The following EIF4E variants were observed in gnomAD, a reference collection of about 807,000 sequenced individuals.
The protein encoded by EIF4E is eukaryotic translation initiation factor 4E, also known as eIF-4F 25 kDa subunit.
For synonymous variants in EIF4E, 71 were observed against 88.5 expected (o/e 0.80, Z 1.11); for missense variants, 113 against 265.6 (o/e 0.43, Z 3.99).
At chr4:98,917,129 C>A (rs1209004440) in intron 1 of EIF4E, among the ~76,000 whole-genome samples, 4 of 60,916 alleles carry the variant, frequency 6.6e-5, no homozygotes, top group Non-Finnish European at 1.3e-4. Flanking sequence ...CACACACACA[C>A]ACACAAAAAA....
intron 2 of EIF4E, 88 bp downstream of exon 2, chr4:98,901,788 C>A: frequency 8.2e-7 from 1 of 1,221,906 alleles, no homozygotes; most frequent in South Asian, 1.2e-5. Context: ...TAAAACTAGT[C>A]TCATAATCTA....
intron 2 of EIF4E, among the ~76,000 whole-genome samples, chr4:98,897,360 CA>C (rs1438328142): frequency 1.3e-5 from 2 of 151,954 alleles, no homozygotes; most frequent in Non-Finnish European, 2.9e-5. Flanking sequence ...CACCTGAGGT[CA>C]GGAGTTCAAG....
In EIF4E at chr4:98,887,129, A is replaced by G. The variant is rs376275333; in HGVS notation, c.349T>C (p.Leu117=). The G allele has an allele frequency of 1.1e-4, 172 of 1,613,886 alleles. No homozygotes were observed. Among genetic ancestry groups the G allele is most frequent in the Admixed American group, 1.8e-4 (11 of 60,002 alleles). Residue 117 remains leucine, a synonymous_variant, in exon 5 of 7, where the codon TTG becomes CTG. Coordinates refer to ENST00000450253, the MANE Select transcript of EIF4E (RefSeq NM_001968.5). The surrounding 1 kb of genome is among the most constrained non-coding windows in gnomAD (Gnocchi z 4.0). The part of the protein sequence containing the change: ...NKRGGRWLIT[L]NKQQRRSDLD... ...TCACTTCGTCTCTGCTGTTTGTTCAATGTAATTAGCCATCGTCCTCCCCGT... is the reference window on the plus strand; with the variant it reads ...TCACTTCGTCTCTGCTGTTTGTTCAGTGTAATTAGCCATCGTCCTCCCCGT...
intron 1 of EIF4E, among the ~76,000 whole-genome samples, chr4:98,928,195 T>A (rs1180654836): frequency 1.3e-5 from 2 of 152,088 alleles, no homozygotes; most frequent in African/African-American, 2.4e-5. Context: ...AAAGGATGAA[T>A]GAATGGAAGA....
rs903983709 is a variant in EIF4E, at chr4:98,887,544, T to A, written c.285+345A>T. ...TCAGTTAATGAATGTCCCGTCCCTC[T>A]ACCAACTGACAAAGCCCAATAATAA... is the stretch of plus-strand genomic sequence containing the variant. On this transcript the variant is annotated intron_variant, in intron 4 of 6. Coordinates refer to ENST00000450253, the MANE Select transcript of EIF4E (RefSeq NM_001968.5). This position sits in a 1 kb window ranked among gnomAD's most constrained non-coding sequence, Gnocchi z 4.0. 1.3e-5 allele frequency among the ~76,000 whole-genome samples: 2 copies of A among 152,140 alleles called. No individual in the cohort carries two copies. The highest frequency in any genetic ancestry group is 4.8e-5 in the African/African-American group (2 of 41,418).
Position 98,879,381 on chromosome 4 carries a change from TA to T in EIF4E, c.*1646del, listed in dbSNP as rs1723580105. On this transcript the variant is annotated 3_prime_UTR_variant, in exon 7 of 7. Coordinates refer to ENST00000450253, the MANE Select transcript of EIF4E (RefSeq NM_001968.5). ...TCAAAGACAAATTTTCCTCTCAAAA[TA>T]ATAATTTCCATTCTGCTACCTACAG... 1.3e-5 allele frequency: 2 copies of T among 152,130 alleles called. No homozygotes were observed. Among genetic ancestry groups the T allele is most frequent in the Non-Finnish European group, 2.9e-5 (2 of 67,992 alleles). 9.4% of individuals were successfully genotyped at this position (152,130 alleles called of 1,614,324 possible).
chr4:98,917,843 A>C (rs1725449874), intron 1 of EIF4E, among the ~76,000 whole-genome samples: 1 of 152,232 alleles, frequency 6.6e-6, no homozygotes, highest in Non-Finnish European at 1.5e-5. Context: ...TGGGAGGCCA[A>C]GGCAGTAGGA....
At position 98,902,091 on chromosome 4, in the gene EIF4E, CAG is replaced by C. The variant is rs1724677387; in HGVS notation, c.19-111_19-110del. On this transcript the variant is annotated intron_variant, in intron 1 of 6. Transcript: ENST00000450253. ...TGCTGATAATTTTTTTTTTTTGAGACAGAGTCTCTCTCTGTTGCCCAGGCTGG... is the reference window on the plus strand; with the variant it reads ...TGCTGATAATTTTTTTTTTTTGAGACAGTCTCTCTCTGTTGCCCAGGCTGG... 5.2e-6 allele frequency: 5 copies of C among 956,758 alleles called. 1 individual carries two copies. Among genetic ancestry groups the C allele is most frequent in the South Asian group, 2.9e-5 (2 of 68,324 alleles). The allele number at this position is 956,758 out of a possible 1,614,324, so 59.3% of individuals were successfully genotyped here.
rs574969865 is a variant in EIF4E at position 98,880,318 on chromosome 4, T to C, written c.*710A>G. ...ACATAGATCACTGATTTGAATGAAA[T>C]GCATAAATTTGTAGCAAAGCTTTGT... On this transcript the variant is annotated 3_prime_UTR_variant, in exon 7 of 7. Coordinates refer to ENST00000450253, the MANE Select transcript of EIF4E (RefSeq NM_001968.5). The C allele has an allele frequency of 1.4e-4, 17 of 124,946 alleles. No individual in the cohort carries two copies. Among genetic ancestry groups the C allele is most frequent in the African/African-American group, 5.2e-4 (17 of 32,612 alleles). 7.7% of individuals were successfully genotyped at this position (124,946 alleles called of 1,614,324 possible). A position where few individuals can be genotyped will look rare whatever the true frequency, so the allele number is the denominator to read the frequency against.
intron 1 of EIF4E, among the ~76,000 whole-genome samples, chr4:98,924,075 T>C (rs1409438518): frequency 6.7e-6 from 1 of 148,202 alleles, no homozygotes; most frequent in African/African-American, 2.5e-5. Flanking sequence ...GAAACTTCTT[T>C]TGTTTATTTT....
chr4:98,883,393 A>ATTTTTTTTTTTTTTTTTTTTTT (rs11408890), intron 6 of EIF4E, among the ~76,000 whole-genome samples: 1 of 103,896 alleles, frequency 9.6e-6, no homozygotes, highest in African/African-American at 3.6e-5. Context: ...TGTAAGTCAA[A>ATTTTTTTTTTTTTTTTTTTTTT]TTTTTTTTTT....
intron 3 of EIF4E, among the ~76,000 whole-genome samples, chr4:98,890,425 A>G (rs1031323821): frequency 1.3e-5 from 2 of 152,228 alleles, no homozygotes; most frequent in African/African-American, 4.8e-5. Flanking sequence ...TTCTCCAAGT[A>G]AATTAGACAC....
intron 1 of EIF4E, among the ~76,000 whole-genome samples, chr4:98,908,272 C>T (rs546234828): frequency 6.6e-6 from 1 of 152,096 alleles, no homozygotes; most frequent in Admixed American, 6.6e-5. Flanking sequence ...ATTACTGTTA[C>T]CACACCTAAA....
intron 1 of EIF4E, among the ~76,000 whole-genome samples, chr4:98,919,204 G>C (rs1250537554): frequency 6.6e-6 from 1 of 151,914 alleles, no homozygotes. Context: ...CTACTCAGGA[G>C]GCTGAGGCAG....
intron 1 of EIF4E, chr4:98,909,765 T>C (rs1419690259): frequency 1.4e-6 from 1 of 704,482 alleles, no homozygotes; most frequent in Non-Finnish European, 2.6e-6. Flanking sequence ...CCTTCTTGTT[T>C]TGCTTCTTTT....
chr4:98,901,989 G>A lies in EIF4E; in HGVS notation c.19-7C>T. ...TAGGAGTAGGGGTGGTTTCCTAGTG[G>A]AAAATAATATAAAACATTATTTTAA... On this transcript the variant is annotated splice_polypyrimidine_tract_variant and splice_region_variant and intron_variant, in intron 1 of 6. Transcript: ENST00000450253. 6.2e-7 allele frequency: 1 copy of A among 1,603,900 alleles called. No homozygotes were observed. Among genetic ancestry groups the A allele is most frequent in the Non-Finnish European group, 8.5e-7 (1 of 1,171,084 alleles).
intron 3 of EIF4E, chr4:98,890,842 T>C (rs1724116771): frequency 4.6e-6 from 1 of 217,602 alleles, no homozygotes; most frequent in East Asian, 1.2e-4. Context: ...AAATCTCTGG[T>C]ACAGGAAATT....
intron 2 of EIF4E, among the ~76,000 whole-genome samples, chr4:98,895,873 A>G (rs1200610508): frequency 1.3e-5 from 2 of 152,084 alleles, no homozygotes; most frequent in Non-Finnish European, 2.9e-5. Context: ...CAACAAAGTG[A>G]GACCTCATCT....
At chr4:98,884,853 C>T in intron 6 of EIF4E, 69 bp downstream of exon 6, 1 of 1,576,550 alleles carries the variant, frequency 6.3e-7, no homozygotes, top group Non-Finnish European at 8.7e-7. Context: ...TCTAAAGCTA[C>T]AAATAAAATA....
Sources: gnomAD v4.1 joint callset for allele counts (sites outside exome capture counted in the v4.1 genomes callset) on GRCh38, gnomAD v4.1.1 for gene constraint, Gnocchi (gnomAD v3.1) non-coding constraint, MANE v1.5 for transcripts, NCBI Gene and HGNC (gene_info 2026-07-23, HGNC 2026-07-21) for gene names.